DST: variants seen among roughly 807,000 people sequenced by gnomAD.
DST encodes the protein dystonin.
In DST, 253 loss-of-function variants were observed where a neutral mutation model predicts 875.2. That is an observed-to-expected ratio of 0.29 (90% CI 0.26 to 0.32). The LOEUF (loss-of-function observed/expected upper bound fraction) is 0.32. Among genes scored for constraint, DST ranks in the 10% least tolerant of loss-of-function variants. DST has a pLI of 1.00. For synonymous variants in DST, 3,124 were observed against 3,197.1 expected (o/e 0.98, Z 0.77); for missense variants, 8,287 against 9,111.6 (o/e 0.91, Z 3.68).
chr6:56,869,145 T>G (rs186219410), intron 3 of DST, among the ~76,000 whole-genome samples: 1 of 152,340 alleles, frequency 6.6e-6, no homozygotes, highest in Admixed American at 6.5e-5. Context: ...ATGGCTCTGA[T>G]CTGAGGGGAC....
intron 13 of DST, among the ~76,000 whole-genome samples, chr6:56,646,400 T>C (rs1434180421): frequency 6.6e-6 from 1 of 152,186 alleles, no homozygotes; most frequent in Non-Finnish European, 1.5e-5. Context: ...TGAGCCATGA[T>C]TTAGTGCCAC....
At chr6:56,740,593 CCCTA>C (rs2099543379) in intron 4 of DST, among the ~76,000 whole-genome samples, 1 of 152,168 alleles carries the variant, frequency 6.6e-6, no homozygotes, top group African/African-American at 2.4e-5. Flanking sequence ...TCTTATGTTT[CCCTA>C]CAAGGTTGCT....
At chr6:56,860,908 T>C (rs59775623) in intron 3 of DST, among the ~76,000 whole-genome samples, 1 of 152,290 alleles carries the variant, frequency 6.6e-6, no homozygotes, top group East Asian at 1.9e-4. Context: ...CCAATACATA[T>C]CTTTCTGTAA....
At position 56,617,082 on chromosome 6, in the gene DST, G is replaced by C. The variant is rs542080394; in HGVS notation, c.4930-2598C>G. 1.7e-5 allele frequency: 28 copies of C among 1,613,962 alleles called. No individual in the cohort carries two copies. The highest frequency in any genetic ancestry group is 2.1e-5 in the Non-Finnish European group (25 of 1,179,898). On this transcript the variant is annotated intron_variant, in intron 36 of 103. Transcript: ENST00000680361. ...GTGGCTTTCGTCAGAAACTTGTTAAGAGTTTTCTGAACTTCTTCAACAGTC... is the reference window on the plus strand; with the variant it reads ...GTGGCTTTCGTCAGAAACTTGTTAACAGTTTTCTGAACTTCTTCAACAGTC...
At chr6:56,720,015 CAG>C (rs1182236013) in intron 5 of DST, among the ~76,000 whole-genome samples, 1 of 152,202 alleles carries the variant, frequency 6.6e-6, no homozygotes, top group Non-Finnish European at 1.5e-5. Flanking sequence ...TATCAGGAGA[CAG>C]GGTTTGAGAG....
At chr6:56,765,848 G>A (rs1036126725) in intron 4 of DST, among the ~76,000 whole-genome samples, 1 of 152,094 alleles carries the variant, frequency 6.6e-6, no homozygotes, top group African/African-American at 2.4e-5. Context: ...GGAAAACAAA[G>A]GCATCTCTAC....
intron 2 of DST, among the ~76,000 whole-genome samples, chr6:56,916,932 T>C: frequency 7.2e-6 from 1 of 138,018 alleles, no homozygotes; most frequent in East Asian, 2.2e-4. Flanking sequence ...CAGCATTCAC[T>C]GGGCCCCCAT....
intron 9 of DST, among the ~76,000 whole-genome samples, chr6:56,677,263 C>A (rs1258961783): frequency 6.6e-6 from 1 of 152,166 alleles, no homozygotes. Context: ...TCTCCCACCA[C>A]TACTTATCTA....
At position 56,501,241 on chromosome 6, in the gene DST, G is replaced by C. The variant is rs1411019453; in HGVS notation, c.19741-6C>G. 1 of 1,569,300 alleles carries C rather than the reference G, an allele frequency of 6.4e-7. No individual in the cohort carries two copies. Among genetic ancestry groups the C allele is most frequent in the South Asian group, 1.2e-5 (1 of 82,532 alleles). On this transcript the variant is annotated splice_region_variant and splice_polypyrimidine_tract_variant and intron_variant, in intron 79 of 103. Transcript: ENST00000680361. ...AGAGCACCCTCCAGTTTATGCTACAGAAAAAGTGGAAAGAAAATCCATTTA... is the reference window on the plus strand; with the variant it reads ...AGAGCACCCTCCAGTTTATGCTACACAAAAAGTGGAAAGAAAATCCATTTA...
intron 4 of DST, among the ~76,000 whole-genome samples, chr6:56,749,363 A>C (rs2099581168): frequency 6.6e-6 from 1 of 152,106 alleles, no homozygotes. Flanking sequence ...CAAAAAAATA[A>C]AAAATAAGAG....
intron 4 of DST, chr6:56,742,446 A>G: frequency 1.1e-6 from 1 of 952,174 alleles, no homozygotes. Flanking sequence ...CTGACTAGAC[A>G]CTCCTACTTG....
intron 9 of DST, among the ~76,000 whole-genome samples, chr6:56,698,522 T>C (rs7742007): frequency 0.028 from 4,212 of 152,132 alleles, 195 homozygotes; most frequent in African/African-American, 0.096. Context: ...GAGACGGGGT[T>C]TCACCCGTTA....
At chr6:56,812,109 A>AAAAAAGAAAAGAAAAG (rs1554158454) in intron 4 of DST, among the ~76,000 whole-genome samples, 24 of 111,822 alleles carry the variant, frequency 2.1e-4, no homozygotes, top group East Asian at 7.6e-4. Flanking sequence ...CTCAAAAAAA[A>AAAAAAGAAAAGAAAAG]AAAAGAAAAG....
rs2095599381 is a variant in DST, at chr6:56,487,271, C to G, written c.20880G>C (p.Glu6960Asp). The change falls in exon 87 of 104, where the codon GAG becomes GAC. Residue 6960 changes from glutamate to aspartate, a missense_variant and splice_region_variant. Glu to Asp is a conservative substitution (Grantham distance 45). Transcript: ENST00000680361. Reference sequence around the variant, plus strand: ...GCTTGGCTCCGAGTGATTTCTGAAACTCCTAAATATTTAACAAGAAAAAAA... The same window carrying G: ...GCTTGGCTCCGAGTGATTTCTGAAAGTCCTAAATATTTAACAAGAAAAAAA... ...KIKTQLAQHKEFQKSLGAKHS... is the reference protein window; with the variant it reads ...KIKTQLAQHKDFQKSLGAKHS... 6.4e-7 allele frequency: 1 copy of G among 1,550,760 alleles called. No homozygotes were observed. Among genetic ancestry groups the G allele is most frequent in the Non-Finnish European group, 8.7e-7 (1 of 1,148,500 alleles).
At chr6:56,682,530 T>A (rs1377344184) in intron 9 of DST, among the ~76,000 whole-genome samples, 1 of 152,116 alleles carries the variant, frequency 6.6e-6, no homozygotes, top group Non-Finnish European at 1.5e-5. Flanking sequence ...TGTTTTCCCT[T>A]CTCCCTCTGG....
intron 36 of DST, chr6:56,616,199 C>G (rs1166275147): frequency 1.2e-6 from 2 of 1,614,158 alleles, no homozygotes; most frequent in Non-Finnish European, 1.7e-6. Context: ...TGTGATGAGG[C>G]CTTCCTGATA....
In DST at chr6:56,880,837, C is replaced by CTT. The variant is rs765843469; in HGVS notation, c.417+19582_417+19583dup. On this transcript the variant is annotated intron_variant, in intron 3 of 103. Coordinates refer to ENST00000680361, the MANE Select transcript of DST (RefSeq NM_001374736.1). ...CCTAGTAATATAAAATACTGTCTTT[C>CTT]TTTTTTTTTTTTTTTTTTTTTTTTT... Among the ~76,000 whole-genome samples the CTT allele has an allele frequency of 2.6e-4, 15 of 58,078 alleles. 1 individual carries two copies. The highest frequency in any genetic ancestry group is 6.5e-4 in the East Asian group (1 of 1,550). 38.1% of individuals were successfully genotyped at this position (58,078 alleles called of 152,430 possible).
intron 4 of DST, among the ~76,000 whole-genome samples, chr6:56,816,867 T>C (rs1261851136): frequency 6.6e-6 from 1 of 151,962 alleles, no homozygotes; most frequent in Non-Finnish European, 1.5e-5. Context: ...CTACCATATA[T>C]AAAGTACAGC....
chr6:56,871,531 T>C, intron 3 of DST: 2 of 1,299,236 alleles, frequency 1.5e-6, no homozygotes, highest in Non-Finnish European at 2.2e-6. Context: ...TCTCTGGTCA[T>C]TGAGCATATC....
Sources: allele counts gnomAD v4.1 joint callset (sites outside exome capture counted in the v4.1 genomes callset), GRCh38; gene constraint gnomAD v4.1.1; transcripts MANE v1.5; gene names NCBI Gene and HGNC (gene_info 2026-07-23, HGNC 2026-07-21).